Variants in GRHL2 observed in about 807,000 individuals in gnomAD.
GRHL2 encodes the protein grainyhead-like protein 2 homolog.
A neutral mutation model predicts 83.8 loss-of-function variants in GRHL2; 21 were observed. That is an observed-to-expected ratio of 0.25 (90% CI 0.18 to 0.36). The LOEUF (loss-of-function observed/expected upper bound fraction) is 0.36. GRHL2 is among the 10% of genes least tolerant of loss of function. The pLI, the probability that GRHL2 is intolerant of heterozygous loss-of-function variation, is 1.00. For synonymous variants in GRHL2, 280 were observed against 278.9 expected, an observed-to-expected ratio of 1.00 and a Z score of -0.04; for missense variants, 623 against 781.8, an observed-to-expected ratio of 0.80 and a Z score of 2.42.
At chr8:101,519,846 G>A (rs1408911256) in intron 1 of GRHL2, among the ~76,000 whole-genome samples, 1 of 152,078 alleles carries the variant, frequency 6.6e-6, no homozygotes, top group East Asian at 1.9e-4. Flanking sequence ...ATTTAAAAAT[G>A]AGAATATTTT....
At chr8:101,549,323 C>T (rs1306848764) in intron 2 of GRHL2, among the ~76,000 whole-genome samples, 1 of 152,156 alleles carries the variant, frequency 6.6e-6, no homozygotes, top group Admixed American at 6.5e-5. Flanking sequence ...TAATGGGAAG[C>T]ACTGATGGGT....
At chr8:101,505,476 C>G (rs559543899) in intron 1 of GRHL2, among the ~76,000 whole-genome samples, 1 of 147,512 alleles carries the variant, frequency 6.8e-6, no homozygotes, top group Non-Finnish European at 1.5e-5. Context: ...ACTCGGGAGG[C>G]TGAGTCAGGA....
At chr8:101,636,061 C>A (rs967879939) in intron 11 of GRHL2, among the ~76,000 whole-genome samples, 145 of 152,304 alleles carry the variant, frequency 9.5e-4, no homozygotes, top group African/African-American at 3.3e-3. Context: ...TTATTCTTCA[C>A]TCAAAGGCAA....
At chr8:101,570,457 C>T (rs1811799736) in intron 5 of GRHL2, 63 bp downstream of exon 5, 7 of 1,280,638 alleles carry the variant, frequency 5.5e-6, no homozygotes, top group East Asian at 2.3e-5. Flanking sequence ...AATGTACCTT[C>T]GAGTTATACC....
At chr8:101,566,478 G>A (rs1811719393) in intron 4 of GRHL2, among the ~76,000 whole-genome samples, 1 of 151,194 alleles carries the variant, frequency 6.6e-6, no homozygotes, top group South Asian at 2.1e-4. Flanking sequence ...TATCATCTGT[G>A]TCCAAAAGAC....
intron 3 of GRHL2, among the ~76,000 whole-genome samples, chr8:101,553,017 G>A (rs1052044137): frequency 6.6e-6 from 1 of 152,176 alleles, no homozygotes. Context: ...AGATTCCAAG[G>A]AGGCTTAAAA....
intron 1 of GRHL2, among the ~76,000 whole-genome samples, chr8:101,525,858 T>C (rs1314585658): frequency 1.3e-5 from 2 of 152,138 alleles, no homozygotes; most frequent in African/African-American, 4.8e-5. Flanking sequence ...TAATCCCAGC[T>C]ACTCGGGAGG....
intron 2 of GRHL2, among the ~76,000 whole-genome samples, chr8:101,551,533 A>G (rs1481242937): frequency 6.6e-6 from 1 of 152,074 alleles, no homozygotes; most frequent in African/African-American, 2.4e-5. Flanking sequence ...GATGATTTTC[A>G]TGAATGTTCT....
intron 7 of GRHL2, among the ~76,000 whole-genome samples, chr8:101,583,146 G>A (rs1031485356): frequency 6.6e-6 from 1 of 152,190 alleles, no homozygotes; most frequent in Non-Finnish European, 1.5e-5. Flanking sequence ...TGCAGTGCTT[G>A]ATGTTGGAGG....
chr8:101,654,093 T>C (rs1369818594), intron 14 of GRHL2, among the ~76,000 whole-genome samples: 1 of 152,210 alleles, frequency 6.6e-6, no homozygotes, highest in Non-Finnish European at 1.5e-5. Context: ...TTGGCCTGGG[T>C]CTAGGCTACC....
chr8:101,612,210 G>T (rs984219410), intron 8 of GRHL2, among the ~76,000 whole-genome samples: 1 of 150,838 alleles, frequency 6.6e-6, no homozygotes, highest in African/African-American at 2.5e-5. Flanking sequence ...GGTTAGTCTC[G>T]AACTCCTGAC....
At chr8:101,676,920 A>G in the GRHL2 span, among the ~76,000 whole-genome samples, 1 of 152,118 alleles carries the variant, frequency 6.6e-6, no homozygotes, top group East Asian at 1.9e-4. Flanking sequence ...AGGGACATGG[A>G]TGAAACTGGA....
the GRHL2 span, among the ~76,000 whole-genome samples, chr8:101,675,416 C>G: frequency 1.3e-5 from 2 of 151,646 alleles, no homozygotes. Flanking sequence ...ACACCAATAA[C>G]AGACAAACAC....
intron 14 of GRHL2, among the ~76,000 whole-genome samples, chr8:101,659,493 C>T (rs1328232165): frequency 6.6e-6 from 1 of 152,142 alleles, no homozygotes; most frequent in African/African-American, 2.4e-5. Flanking sequence ...CAGTCACCAG[C>T]TCTGTTAACT....
intron 8 of GRHL2, among the ~76,000 whole-genome samples, chr8:101,601,976 T>C (rs1401985899): frequency 6.6e-6 from 1 of 151,826 alleles, no homozygotes; most frequent in Non-Finnish European, 1.5e-5. Context: ...CTCCCTCCCC[T>C]AGGCCCCCAC....
chr8:101,538,688 T>C (rs1323629280), intron 1 of GRHL2, among the ~76,000 whole-genome samples: 1 of 152,244 alleles, frequency 6.6e-6, no homozygotes, highest in Non-Finnish European at 1.5e-5. Context: ...TGTTCCTAAC[T>C]GTGGTGAAAG....
chr8:101,588,198 C>T (rs898694986), intron 7 of GRHL2, among the ~76,000 whole-genome samples: 2 of 152,114 alleles, frequency 1.3e-5, no homozygotes. Context: ...GATAAGGCAG[C>T]CAGCTTAATG....
chr8:101,516,410 C>CTT (rs33990862), intron 1 of GRHL2, among the ~76,000 whole-genome samples: 60 of 85,982 alleles, frequency 7.0e-4, no homozygotes, highest in Admixed American at 8.5e-4. Flanking sequence ...ACCTCTTTTC[C>CTT]TTTTTTTTTT....
At chr8:101,534,019 A>G (rs1040993434) in intron 1 of GRHL2, among the ~76,000 whole-genome samples, 7 of 152,308 alleles carry the variant, frequency 4.6e-5, no homozygotes, top group South Asian at 2.1e-4. Context: ...TTTTGTTTCA[A>G]TGGGATTTCT....
Sources: allele counts gnomAD v4.1 joint callset (sites outside exome capture counted in the v4.1 genomes callset), GRCh38; gene constraint gnomAD v4.1.1; transcripts MANE v1.5; gene names NCBI Gene and HGNC (gene_info 2026-07-23, HGNC 2026-07-21).